Variants in SLC8A3 observed in about 807,000 individuals in gnomAD.
The protein encoded by SLC8A3 is solute carrier family 8 member A3.
SLC8A3 carries 37 observed loss-of-function variants against 65.4 expected under a neutral mutation model. The observed-to-expected ratio is 0.57, with a 90% CI of 0.44 to 0.74. The LOEUF is 0.74. Ranked by LOEUF, SLC8A3 falls within the 30% of genes least tolerant of loss-of-function variation. The pLI, the probability that SLC8A3 is intolerant of heterozygous loss-of-function variation, is 0.00. For synonymous variants in SLC8A3, 461 were observed against 444.5 expected, an observed-to-expected ratio of 1.04 and a Z score of -0.47; for missense variants, 1,112 against 1,172.1, an observed-to-expected ratio of 0.95 and a Z score of 0.75.
At chr14:70,099,622 G>A (rs1892430760) in intron 2 of SLC8A3, among the ~76,000 whole-genome samples, 1 of 152,186 alleles carries the variant, frequency 6.6e-6, no homozygotes, top group South Asian at 2.1e-4. Flanking sequence ...CCATCAGGAA[G>A]GATGGAAAAG....
chr14:70,159,050 A>C (rs1044614401), intron 2 of SLC8A3, among the ~76,000 whole-genome samples: 3 of 152,228 alleles, frequency 2.0e-5, no homozygotes, highest in Admixed American at 1.3e-4. Context: ...CACTGGCTCT[A>C]TGCCAGGTCT....
intron 2 of SLC8A3, among the ~76,000 whole-genome samples, chr14:70,070,511 T>C (rs1889911420): frequency 6.6e-6 from 1 of 152,180 alleles, no homozygotes; most frequent in Non-Finnish European, 1.5e-5. Flanking sequence ...TGCATCTAAC[T>C]ATTGATTTGT....
chr14:70,057,248 G>C (rs1888233383), intron 3 of SLC8A3, among the ~76,000 whole-genome samples: 1 of 152,010 alleles, frequency 6.6e-6, no homozygotes, highest in Non-Finnish European at 1.5e-5. Context: ...TGGATCAATG[G>C]CTTTCCTCAC....
rs1402356332 is a variant in SLC8A3, at chr14:70,170,803, A to G, written c.-62-2319T>C. On this transcript the variant is annotated intron_variant, in intron 1 of 6. Coordinates refer to ENST00000356921, the MANE Select transcript of SLC8A3 (RefSeq NM_182932.3). ...TACTTGGTTTAATCCCTAGAGTGGC[A>G]GCCAAGTTCTGAAGCCCACATTCTC... 2.0e-5 allele frequency among the ~76,000 whole-genome samples: 3 copies of G among 152,294 alleles called. No homozygotes were observed. In the East Asian group the frequency reaches 5.8e-4, roughly 29 times the overall value.
chr14:70,050,377 C>T (rs1223534333), intron 5 of SLC8A3, among the ~76,000 whole-genome samples: 2 of 152,106 alleles, frequency 1.3e-5, no homozygotes, highest in Non-Finnish European at 2.9e-5. Flanking sequence ...AAGACAAGGC[C>T]AGGAGGCCTC....
intron 2 of SLC8A3, among the ~76,000 whole-genome samples, chr14:70,108,357 G>A (rs527756669): frequency 6.2e-5 from 9 of 145,684 alleles, no homozygotes; most frequent in African/African-American, 7.8e-5. Context: ...CTGAGATTAC[G>A]CCACTGCACT....
At chr14:70,049,239 T>C (rs1403016582) in intron 5 of SLC8A3, among the ~76,000 whole-genome samples, 197 bp from the exon 6 acceptor site, 1 of 152,046 alleles carries the variant, frequency 6.6e-6, no homozygotes, top group Non-Finnish European at 1.5e-5. Flanking sequence ...ATAGGTCAAT[T>C]TGAATGCAGG....
At chr14:70,078,900 C>CT (rs1890782087) in intron 2 of SLC8A3, among the ~76,000 whole-genome samples, 1 of 152,218 alleles carries the variant, frequency 6.6e-6, no homozygotes, top group Non-Finnish European at 1.5e-5. Context: ...CTAGCACAGT[C>CT]TCTGTCCACC....
chr14:70,140,509 CT>C (rs1895494695), intron 2 of SLC8A3, among the ~76,000 whole-genome samples: 1 of 152,160 alleles, frequency 6.6e-6, no homozygotes, highest in African/African-American at 2.4e-5. Context: ...GCAGGATATA[CT>C]AGGAGGGACT....
chr14:70,055,069 C>T (rs887533991), intron 3 of SLC8A3, among the ~76,000 whole-genome samples: 2 of 152,086 alleles, frequency 1.3e-5, no homozygotes, highest in African/African-American at 4.8e-5. Context: ...TTGGTTTCCA[C>T]TCATGCAAGC....
At chr14:70,124,273 C>T (rs1894286469) in intron 2 of SLC8A3, among the ~76,000 whole-genome samples, 1 of 152,342 alleles carries the variant, frequency 6.6e-6, no homozygotes, top group South Asian at 2.1e-4. Flanking sequence ...TTGATAATGT[C>T]TGCTCTAAAT....
At chr14:70,137,786 C>CTTTTTTTTTTT (rs36057761) in intron 2 of SLC8A3, among the ~76,000 whole-genome samples, 4 of 132,218 alleles carry the variant, frequency 3.0e-5, no homozygotes, top group African/African-American at 2.8e-5. Flanking sequence ...CTGGTGGTGC[C>CTTTTTTTTTTT]TTTTTTTTTT....
intron 2 of SLC8A3, among the ~76,000 whole-genome samples, chr14:70,070,663 A>G (rs1889928877): frequency 6.6e-6 from 1 of 152,192 alleles, no homozygotes; most frequent in Admixed American, 6.5e-5. Context: ...CCATTCCATC[A>G]GGGAGATGAA....
At chr14:70,120,912 G>A (rs904257175) in intron 2 of SLC8A3, among the ~76,000 whole-genome samples, 2 of 152,088 alleles carry the variant, frequency 1.3e-5, no homozygotes, top group Admixed American at 1.3e-4. Context: ...CATGACGGAG[G>A]GAGTTTTAGT....
At chr14:70,089,660 G>T (rs541650020) in intron 2 of SLC8A3, among the ~76,000 whole-genome samples, 1 of 152,126 alleles carries the variant, frequency 6.6e-6, no homozygotes, top group Non-Finnish European at 1.5e-5. Flanking sequence ...CACAAAGAAG[G>T]TATCTTTGAA....
intron 2 of SLC8A3, chr14:70,080,049 C>T: frequency 1.0e-6 from 1 of 977,078 alleles, no homozygotes; most frequent in Non-Finnish European, 1.2e-6. Context: ...TGAGAAAGCA[C>T]AGGCAGCAGG....
rs34669253 is a variant in SLC8A3 at position 70,044,999 on chromosome 14, G to A, written c.*948C>T. The A allele has an allele frequency of 0.067, 10,127 of 152,116 alleles. 382 individuals carry two copies. The highest frequency in any genetic ancestry group is 0.092 in the Non-Finnish European group (6,227 of 68,012). The allele number at this position is 152,116 out of a possible 1,614,324, so 9.4% of individuals were successfully genotyped here. A position where few individuals can be genotyped will look rare whatever the true frequency, so the allele number is the denominator to read the frequency against. On this transcript the variant is annotated 3_prime_UTR_variant, in exon 7 of 7. Transcript: ENST00000356921. Reference sequence around the variant, plus strand: ...TTTGTTCTTCCAGTAGCCCTTTGTCGTCACACACCATTCCTATTTTTGTCC... The same window carrying A: ...TTTGTTCTTCCAGTAGCCCTTTGTCATCACACACCATTCCTATTTTTGTCC...
chr14:70,173,137 AG>A (rs982978552), intron 1 of SLC8A3, among the ~76,000 whole-genome samples: 5 of 152,232 alleles, frequency 3.3e-5, no homozygotes, highest in Admixed American at 6.5e-5. Context: ...AGCCAGTGAT[AG>A]GGTTGTAAAC....
At chr14:70,051,958 A>C in intron 4 of SLC8A3, 32 bp downstream of exon 4, 2 of 1,590,834 alleles carry the variant, frequency 1.3e-6, no homozygotes, top group Non-Finnish European at 1.7e-6. Flanking sequence ...TAATTTATTT[A>C]TTATTCAATT....
Sources: allele counts gnomAD v4.1 joint callset (sites outside exome capture counted in the v4.1 genomes callset), GRCh38; gene constraint gnomAD v4.1.1; transcripts MANE v1.5; gene names NCBI Gene and HGNC (gene_info 2026-07-23, HGNC 2026-07-21).